Variants in KSR2 observed in about 807,000 individuals in gnomAD.
The protein encoded by KSR2 is kinase suppressor of ras 2.
Under a neutral mutation model 107.8 loss-of-function variants are expected in KSR2, and 25 were observed. That is an observed-to-expected ratio of 0.23 (90% CI 0.17 to 0.32). The LOEUF is 0.32. Ranked by LOEUF, KSR2 falls within the 10% of genes least tolerant of loss-of-function variation. The probability of loss-of-function intolerance (pLI) is 1.00; values close to 1 mark genes in which losing one functional copy is unlikely to be tolerated. For missense variants in KSR2, 887 were observed against 1,268.9 expected, an observed-to-expected ratio of 0.70 and a Z score of 4.57; for synonymous variants, 480 against 507.0, an observed-to-expected ratio of 0.95 and a Z score of 0.71.
At chr12:117,697,390 A>C (rs916473670) in intron 4 of KSR2, among the ~76,000 whole-genome samples, 2 of 152,186 alleles carry the variant, frequency 1.3e-5, no homozygotes, top group East Asian at 3.9e-4. Flanking sequence ...TATTTAATGA[A>C]AGTTCAAGAC....
chr12:117,668,517 G>A (rs1379714887), intron 4 of KSR2, among the ~76,000 whole-genome samples: 1 of 152,190 alleles, frequency 6.6e-6, no homozygotes, highest in East Asian at 1.9e-4. Flanking sequence ...GTCCACCATA[G>A]CAGCATTGCT....
At chr12:117,484,218 G>A (rs2137140232) in intron 16 of KSR2, among the ~76,000 whole-genome samples, 198 bp downstream of exon 16, 1 of 152,302 alleles carries the variant, frequency 6.6e-6, no homozygotes, top group East Asian at 1.9e-4. Flanking sequence ...GACAAGACAG[G>A]TGAGCAAGGT....
chr12:117,804,829 C>T (rs1258203982), intron 3 of KSR2, among the ~76,000 whole-genome samples: 1 of 152,156 alleles, frequency 6.6e-6, no homozygotes, highest in African/African-American at 2.4e-5. Context: ...GCTGCTCTCC[C>T]TCTCATTACA....
chr12:117,637,678 T>TTTTG (rs1214417970), intron 5 of KSR2, among the ~76,000 whole-genome samples: 2 of 82,136 alleles, frequency 2.4e-5, no homozygotes, highest in Non-Finnish European at 4.8e-5. Flanking sequence ...GTTTTGGGTT[T>TTTTG]TTTTTTTTTT....
At chr12:117,540,537 G>A (rs1183685533) in intron 9 of KSR2, among the ~76,000 whole-genome samples, 1 of 152,198 alleles carries the variant, frequency 6.6e-6, no homozygotes, top group Non-Finnish European at 1.5e-5. Flanking sequence ...CATAATTTAA[G>A]GTAAGGATCC....
At chr12:117,685,194 C>T (rs1885519533) in intron 4 of KSR2, among the ~76,000 whole-genome samples, 5 of 152,234 alleles carry the variant, frequency 3.3e-5, no homozygotes, top group Admixed American at 3.3e-4. Context: ...CCTCTTAGGC[C>T]TGATCTGTGT....
chr12:117,512,816 C>G (rs1189853959), intron 14 of KSR2, among the ~76,000 whole-genome samples: 1 of 152,150 alleles, frequency 6.6e-6, no homozygotes, highest in African/African-American at 2.4e-5. Flanking sequence ...CTGGTCCCAA[C>G]CTGACATCAT....
At chr12:117,886,643 G>A (rs2137340841) in intron 1 of KSR2, among the ~76,000 whole-genome samples, 1 of 152,144 alleles carries the variant, frequency 6.6e-6, no homozygotes, top group Admixed American at 6.5e-5. Context: ...GCATTTCTCA[G>A]AACGTATCCC....
At chr12:117,499,926 C>G (rs1873279435) in intron 14 of KSR2, among the ~76,000 whole-genome samples, 1 of 152,142 alleles carries the variant, frequency 6.6e-6, no homozygotes, top group Non-Finnish European at 1.5e-5. Flanking sequence ...GGAGGAGGGC[C>G]TGTGTAAGGC....
At chr12:117,825,728 A>G (rs1891719455) in intron 3 of KSR2, among the ~76,000 whole-genome samples, 1 of 152,058 alleles carries the variant, frequency 6.6e-6, no homozygotes. Flanking sequence ...TTTGCTCATC[A>G]TTTCTAAATC....
chr12:117,648,153 T>C (rs556097535), intron 5 of KSR2, among the ~76,000 whole-genome samples: 149 of 152,328 alleles, frequency 9.8e-4, no homozygotes, highest in South Asian at 2.3e-3. Flanking sequence ...AACATTTTAC[T>C]CCATTGCCAA....
At chr12:117,518,710 T>C (rs1438794479) in intron 14 of KSR2, among the ~76,000 whole-genome samples, 1 of 152,214 alleles carries the variant, frequency 6.6e-6, no homozygotes, top group Non-Finnish European at 1.5e-5. Flanking sequence ...GCCTTGCAAT[T>C]ATCTGGCCTC....
At chr12:117,622,288 C>T (rs192688742) in intron 5 of KSR2, among the ~76,000 whole-genome samples, 11 of 152,046 alleles carry the variant, frequency 7.2e-5, no homozygotes, top group African/African-American at 2.7e-4. Context: ...TCATTTCCTG[C>T]ATCTTATTTT....
intron 14 of KSR2, among the ~76,000 whole-genome samples, chr12:117,524,156 A>G (rs1358925184): frequency 1.3e-5 from 2 of 152,200 alleles, no homozygotes; most frequent in Admixed American, 6.5e-5. Context: ...GAAACTGTAC[A>G]ACCCACAAAG....
chr12:117,506,519 A>T (rs1873689270), intron 14 of KSR2, among the ~76,000 whole-genome samples: 1 of 152,212 alleles, frequency 6.6e-6, no homozygotes, highest in African/African-American at 2.4e-5. Context: ...AGATTGAGAA[A>T]TAAAATCCCC....
chr12:117,781,824 C>T (rs555851978), intron 3 of KSR2, among the ~76,000 whole-genome samples: 1 of 152,312 alleles, frequency 6.6e-6, no homozygotes, highest in Admixed American at 6.5e-5. Flanking sequence ...GTTGACAATG[C>T]TTCCAAAGGA....
rs1406630937 is a variant in KSR2 at position 117,582,225 on chromosome 12, G to T, written c.1241+65C>A. 7 of 1,404,138 alleles carry T rather than the reference G, an allele frequency of 5.0e-6. No homozygotes were observed. In the African/African-American group the frequency reaches 9.8e-5, roughly 20 times the overall value. 87.0% of individuals were successfully genotyped at this position (1,404,138 alleles called of 1,614,324 possible). On this transcript the variant is annotated intron_variant, in intron 6 of 19. Transcript: ENST00000339824. ...AGCCTTCTCTCACCCCAGGGCAGGG[G>T]CCAGAGCCCCCACCCCTCACAGAGC...
intron 3 of KSR2, among the ~76,000 whole-genome samples, chr12:117,793,160 G>T (rs1384231889): frequency 8.7e-6 from 1 of 115,164 alleles, no homozygotes; most frequent in Non-Finnish European, 1.7e-5. Context: ...CAATATGCAC[G>T]CACACCAACA....
intron 5 of KSR2, among the ~76,000 whole-genome samples, chr12:117,592,847 A>G (rs970842404): frequency 6.6e-6 from 1 of 151,996 alleles, no homozygotes; most frequent in Non-Finnish European, 1.5e-5. Context: ...CTGGTGGCCA[A>G]TCGGGGGGTG....
Sources: allele counts gnomAD v4.1 joint callset (sites outside exome capture counted in the v4.1 genomes callset), GRCh38; gene constraint gnomAD v4.1.1; transcripts MANE v1.5; gene names NCBI Gene and HGNC (gene_info 2026-07-23, HGNC 2026-07-21).